Variants in IL1RL1 observed in about 807,000 individuals in gnomAD.
IL1RL1 encodes interleukin 1 receptor like 1.
A neutral mutation model predicts 50.9 loss-of-function variants in IL1RL1; 32 were observed. The observed-to-expected ratio is 0.63, with a 90% CI of 0.47 to 0.84. The LOEUF is 0.84. Ranked by LOEUF, IL1RL1 falls within the 40% of genes least tolerant of loss-of-function variation. The pLI, the probability that IL1RL1 is intolerant of heterozygous loss-of-function variation, is 0.00. For missense variants in IL1RL1, 773 were observed against 662.9 expected, an observed-to-expected ratio of 1.17 and a Z score of -1.82; for synonymous variants, 275 against 236.0, an observed-to-expected ratio of 1.17 and a Z score of -1.51.
Position 102,348,030 on chromosome 2 carries a change from GTTCTGGA to G in IL1RL1, c.1059_1065del (p.Phe353LeufsTer10), listed in dbSNP as rs1559607821. 1 of 1,609,032 alleles carries G rather than the reference GTTCTGGA, an allele frequency of 6.2e-7. No individual in the cohort carries two copies. Among genetic ancestry groups the G allele is most frequent in the Admixed American group, 1.7e-5 (1 of 60,014 alleles). The stretch of plus-strand genomic sequence containing the variant: ...ATGTCCTGGTTATCATCCTAAAAAT[GTTCTGGA>G]TTGAGGCCACTCTGCTCTGGAGAGA... On this transcript the variant is annotated frameshift_variant, in exon 9 of 11. Coordinates refer to ENST00000233954, the MANE Select transcript of IL1RL1 (RefSeq NM_016232.5). LOFTEE classifies it high-confidence loss of function.
chr2:102,345,711 A>G, intron 8 of IL1RL1: 4 of 985,406 alleles, frequency 4.1e-6, no homozygotes, highest in Non-Finnish European at 4.8e-6. Context: ...AATAAACAGA[A>G]TCATAACTCA....
intron 8 of IL1RL1, chr2:102,345,904 TGTACTCCTGCTTTGCTAC>T: frequency 1.0e-6 from 1 of 985,472 alleles, no homozygotes; most frequent in Non-Finnish European, 1.2e-6. Flanking sequence ...ACTGCCCTTG[TGTACTCCTGCTTTGCTAC>T]GTTATCATTG....
In IL1RL1 at chr2:102,338,193, C is replaced by A; in HGVS notation, c.-72C>A. ...CCTCATGTGTGGTGACCTTCACTGT[C>A]GTATGCCAGTGACTCATCTGGAGTA... On this transcript the variant is annotated 5_prime_UTR_variant, in exon 2 of 11. Coordinates refer to ENST00000233954, the MANE Select transcript of IL1RL1 (RefSeq NM_016232.5). 2 of 977,170 alleles carry A rather than the reference C, an allele frequency of 2.0e-6. No individual in the cohort carries two copies. The highest frequency in any genetic ancestry group is 1.4e-5 in the South Asian group (1 of 71,596). The allele number at this position is 977,170 out of a possible 1,614,324, so 60.5% of individuals were successfully genotyped here. A position where few individuals can be genotyped will look rare whatever the true frequency, so the allele number is the denominator to read the frequency against.
At chr2:102,327,683 A>T (rs986463926) in intron 1 of IL1RL1, among the ~76,000 whole-genome samples, 4 of 152,250 alleles carry the variant, frequency 2.6e-5, no homozygotes, top group African/African-American at 9.6e-5. Flanking sequence ...ATCACCACCG[A>T]TCCCACAGAA....
chr2:102,341,318 T>A, intron 5 of IL1RL1: 5 of 1,243,166 alleles, frequency 4.0e-6, no homozygotes, highest in Non-Finnish European at 5.2e-6. Context: ...TGGTTTTTAA[T>A]CTTTGTTTGC....
chr2:102,323,925 G>T (rs569057024), intron 1 of IL1RL1, among the ~76,000 whole-genome samples: 1 of 151,708 alleles, frequency 6.6e-6, no homozygotes, highest in African/African-American at 2.4e-5. Context: ...TGCAGTTTGG[G>T]AACATTATAT....
At chr2:102,320,648 A>G (rs983860825) in intron 1 of IL1RL1, among the ~76,000 whole-genome samples, 7 of 152,124 alleles carry the variant, frequency 4.6e-5, no homozygotes, top group African/African-American at 7.2e-5. Flanking sequence ...TAATTCAGTA[A>G]CTAGCAACCC....
chr2:102,348,158 T>C (rs2104999339), intron 9 of IL1RL1, 67 bp downstream of exon 9: 1 of 1,280,616 alleles, frequency 7.8e-7, no homozygotes, highest in Non-Finnish European at 1.1e-6. Context: ...GTTACCTGTC[T>C]ATTAATCTTT....
intron 1 of IL1RL1, among the ~76,000 whole-genome samples, chr2:102,334,892 G>T (rs748646149): frequency 1.3e-5 from 2 of 152,200 alleles, no homozygotes; most frequent in Non-Finnish European, 2.9e-5. Context: ...ATAAGGTTTT[G>T]TTTGTTCTTT....
chr2:102,338,726 A>C (rs1049288159), intron 2 of IL1RL1, 111 bp from the exon 3 acceptor site: 1 of 759,048 alleles, frequency 1.3e-6, no homozygotes, highest in Non-Finnish European at 2.2e-6. Context: ...AAGGTATCAC[A>C]GTATATGACC....
At chr2:102,336,966 T>G (rs1677349355) in intron 1 of IL1RL1, among the ~76,000 whole-genome samples, 1 of 152,188 alleles carries the variant, frequency 6.6e-6, no homozygotes, top group Non-Finnish European at 1.5e-5. Flanking sequence ...GTCCCCGATG[T>G]CAAGACCATT....
At chr2:102,349,515 C>G (rs985836612) in intron 10 of IL1RL1, among the ~76,000 whole-genome samples, 8 of 152,156 alleles carry the variant, frequency 5.3e-5, no homozygotes, top group African/African-American at 1.9e-4. Flanking sequence ...AAACCATCAT[C>G]CCTACTTTAT....
chr2:102,325,140 C>T (rs1005596721), intron 1 of IL1RL1, among the ~76,000 whole-genome samples: 3 of 152,136 alleles, frequency 2.0e-5, no homozygotes, highest in African/African-American at 7.2e-5. Context: ...GCTGGGTACT[C>T]CTCTGAGACA....
Position 102,343,094 on chromosome 2 carries a change from T to C in IL1RL1, c.741T>C (p.Ala247=). The C allele has an allele frequency of 6.2e-7, 1 of 1,614,166 alleles. No homozygotes were observed. The highest frequency in any genetic ancestry group is 1.1e-5 in the South Asian group (1 of 91,088). Residue 247 remains alanine (A), a synonymous_variant, in exon 7 of 11, where the codon GCT becomes GCC. Transcript: ENST00000233954. Reference sequence around the variant, plus strand: ...TTGGAAAAGGCACTCAGTTCTTGGCTGCCGTCCTGTGGCAGCTTAATGGAA... The same window carrying C: ...TTGGAAAAGGCACTCAGTTCTTGGCCGCCGTCCTGTGGCAGCTTAATGGAA... ...ACFGKGTQFL[A]AVLWQLNGTK... is the part of the protein sequence containing the mutation.
At chr2:102,350,722 GT>G (rs1326535037) in intron 10 of IL1RL1, among the ~76,000 whole-genome samples, 1 of 58,844 alleles carries the variant, frequency 1.7e-5, no homozygotes, top group Non-Finnish European at 3.4e-5. Flanking sequence ...AGGTCAGAGG[GT>G]GGTCATGTAC....
chr2:102,328,107 T>G (rs1402975160), intron 1 of IL1RL1, among the ~76,000 whole-genome samples: 1 of 152,180 alleles, frequency 6.6e-6, no homozygotes, highest in Non-Finnish European at 1.5e-5. Context: ...AAATCCTCAA[T>G]AAAATACTGG....
chr2:102,345,169 G>A (rs971692161), intron 8 of IL1RL1: 5 of 937,810 alleles, frequency 5.3e-6, no homozygotes, highest in Non-Finnish European at 3.8e-6. Context: ...TCATCACTAT[G>A]CCCAGACAAT....
intron 10 of IL1RL1, among the ~76,000 whole-genome samples, chr2:102,350,274 A>G (rs1288920470): frequency 2.6e-5 from 4 of 152,244 alleles, no homozygotes; most frequent in African/African-American, 4.8e-5. Flanking sequence ...TGTGAGCTCA[A>G]CAATGTGCCA....
At chr2:102,326,771 T>A (rs1455792946) in intron 1 of IL1RL1, among the ~76,000 whole-genome samples, 1 of 152,052 alleles carries the variant, frequency 6.6e-6, no homozygotes, top group Non-Finnish European at 1.5e-5. Flanking sequence ...CATTAAATAA[T>A]GGTAAAGGGA....
Sources: gnomAD v4.1 joint callset for allele counts (sites outside exome capture counted in the v4.1 genomes callset) on GRCh38, gnomAD v4.1.1 for gene constraint, MANE v1.5 for transcripts, NCBI Gene and HGNC (gene_info 2026-07-23, HGNC 2026-07-21) for gene names.